SAMD5: variants seen among roughly 807,000 people sequenced by gnomAD.
SAMD5 encodes the protein sterile alpha motif domain containing 5, also known as sterile alpha motif domain-containing protein 5.
A neutral mutation model predicts 11.3 loss-of-function variants in SAMD5; 13 were observed. That is an observed-to-expected ratio of 1.15 (90% CI 0.75 to 1.83). The LOEUF (loss-of-function observed/expected upper bound fraction) is 1.83. Ranked by LOEUF, SAMD5 falls within the 40% of genes most tolerant of loss-of-function variation. The pLI, the probability that SAMD5 is intolerant of heterozygous loss-of-function variation, is 0.00. For missense variants in SAMD5, 255 were observed against 239.1 expected (o/e 1.07, Z -0.44); for synonymous variants, 129 against 111.3 (o/e 1.16, Z -1.00).
intron 1 of SAMD5, among the ~76,000 whole-genome samples, chr6:147,550,377 A>C (rs541063669): frequency 6.6e-6 from 1 of 152,326 alleles, no homozygotes; most frequent in African/African-American, 2.4e-5. Flanking sequence ...TAGAACTACC[A>C]TTTGATCCAG....
intron 1 of SAMD5, among the ~76,000 whole-genome samples, chr6:147,612,942 T>A (rs1334573077): frequency 6.6e-6 from 1 of 152,170 alleles, no homozygotes; most frequent in Non-Finnish European, 1.5e-5. Flanking sequence ...CTCATACCTG[T>A]AATCCCAGCA....
the SAMD5 span, among the ~76,000 whole-genome samples, chr6:147,807,332 T>C: frequency 6.6e-6 from 1 of 152,112 alleles, no homozygotes; most frequent in African/African-American, 2.4e-5. Context: ...CTCGATCTCC[T>C]GACCTCATGA....
At chr6:147,822,431 A>T in the SAMD5 span, among the ~76,000 whole-genome samples, 1 of 152,222 alleles carries the variant, frequency 6.6e-6, no homozygotes, top group African/African-American at 2.4e-5. Flanking sequence ...TTATTAAAAA[A>T]TACCATATGT....
the SAMD5 span, among the ~76,000 whole-genome samples, chr6:147,794,940 G>C: frequency 6.6e-6 from 1 of 151,996 alleles, no homozygotes; most frequent in Non-Finnish European, 1.5e-5. Flanking sequence ...ACCCTACACA[G>C]ACAGGGACCT....
At chr6:147,778,537 C>T in the SAMD5 span, among the ~76,000 whole-genome samples, 1 of 152,164 alleles carries the variant, frequency 6.6e-6, no homozygotes, top group Non-Finnish European at 1.5e-5. Context: ...GGTTCTCAGG[C>T]TCCAAACCTT....
chr6:147,928,595 A>AT, the SAMD5 span, among the ~76,000 whole-genome samples: 2 of 151,528 alleles, frequency 1.3e-5, no homozygotes, highest in Admixed American at 6.6e-5. Context: ...CTATCTTACT[A>AT]TTTTTTTGAA....
In SAMD5 at chr6:147,564,675, G is replaced by A; in HGVS notation, c.*219G>A. On this transcript the variant is annotated 3_prime_UTR_variant, in exon 2 of 2. Transcript: ENST00000367474. Reference sequence around the variant, plus strand: ...AAGGCAGTGAACTATCACGCATAAAGAAGTATTGAGTTCATTTTTTTAAGA... The same window carrying A: ...AAGGCAGTGAACTATCACGCATAAAAAAGTATTGAGTTCATTTTTTTAAGA... 1 of 1,281,020 alleles carries A rather than the reference G, an allele frequency of 7.8e-7. No individual in the cohort carries two copies. Among genetic ancestry groups the A allele is most frequent in the Non-Finnish European group, 9.9e-7 (1 of 1,011,280 alleles). 79.4% of individuals were successfully genotyped at this position (1,281,020 alleles called of 1,614,324 possible).
chr6:147,870,411 A>C, the SAMD5 span, among the ~76,000 whole-genome samples: 1 of 144,852 alleles, frequency 6.9e-6, no homozygotes, highest in Non-Finnish European at 1.5e-5. Flanking sequence ...GAAGCACTCT[A>C]TTTTCCCTAC....
the SAMD5 span, among the ~76,000 whole-genome samples, chr6:147,822,869 C>T: frequency 6.6e-6 from 1 of 152,172 alleles, no homozygotes; most frequent in Non-Finnish European, 1.5e-5. Flanking sequence ...GGCTGGAGTG[C>T]AGTGGCACGA....
the SAMD5 span, among the ~76,000 whole-genome samples, chr6:147,825,989 T>G: frequency 6.6e-6 from 1 of 152,362 alleles, no homozygotes; most frequent in Non-Finnish European, 1.5e-5. Context: ...GTATTTAAGA[T>G]TCTTCAGGCT....
At chr6:147,646,259 G>T (rs561087628) in intron 1 of SAMD5, among the ~76,000 whole-genome samples, 2 of 152,258 alleles carry the variant, frequency 1.3e-5, no homozygotes, top group South Asian at 4.2e-4. Context: ...CAGCGTGGTG[G>T]TATGTGCAGT....
rs1032713827 is a variant in SAMD5, at chr6:147,508,728, T to C, written c.-201T>C. ...TCCGCTGCTGCTTGGGGAATTCACTTTGCTGCTTGTTCGCTTCTCCCTTCC... is the reference window on the plus strand; with the variant it reads ...TCCGCTGCTGCTTGGGGAATTCACTCTGCTGCTTGTTCGCTTCTCCCTTCC... On this transcript the variant is annotated 5_prime_UTR_variant, in exon 1 of 2. Coordinates refer to ENST00000367474, the MANE Select transcript of SAMD5 (RefSeq NM_001030060.3). 1.3e-5 allele frequency among the ~76,000 whole-genome samples: 2 copies of C among 152,158 alleles called. No individual in the cohort carries two copies. Among genetic ancestry groups the C allele is most frequent in the South Asian group, 2.1e-4 (1 of 4,834 alleles).
chr6:147,553,668 AACTCAGTCCTATTTACGTGTTTTCCTGCT>A (rs1788808323), intron 1 of SAMD5, among the ~76,000 whole-genome samples: 2 of 152,198 alleles, frequency 1.3e-5, no homozygotes, highest in African/African-American at 4.8e-5. Flanking sequence ...TGCATAATAC[AACTCAGTCCTATTTACGTGTTTTCCTGCT>A]TTAGGTAACA....
chr6:147,599,512 T>A (rs912150019), intron 1 of SAMD5, among the ~76,000 whole-genome samples: 2 of 152,342 alleles, frequency 1.3e-5, no homozygotes, highest in South Asian at 2.1e-4. Flanking sequence ...AAAATTTTTT[T>A]AAATTCTTTT....
chr6:147,835,248 A>AAAAAAC, the SAMD5 span, among the ~76,000 whole-genome samples: 2 of 148,804 alleles, frequency 1.3e-5, no homozygotes, highest in Non-Finnish European at 3.0e-5. Context: ...AAAAAAAAAC[A>AAAAAAC]AAAAAAACAG....
At position 147,672,035 on chromosome 6, in the gene SAMD5, G is replaced by A. The variant is rs539318884; in HGVS notation, c.163-65282G>A. ...GAATATATAAATAAATTTTAGGAGC[G>A]TTTACGTGTTTACAATATTGAGTTT... On this transcript the variant is annotated intron_variant, in intron 1 of 1. Transcript: ENST00000566741. 8.6e-5 allele frequency among the ~76,000 whole-genome samples: 13 copies of A among 151,572 alleles called. No individual in the cohort carries two copies. The South Asian group carries it at 1.9e-3, about 22-fold the overall frequency.
rs34834946 is a variant in SAMD5, at chr6:147,569,072, CA to C, written c.*4624del. 3.8e-5 allele frequency: 7 copies of C among 183,724 alleles called. No homozygotes were observed. Among genetic ancestry groups the C allele is most frequent in the Non-Finnish European group, 7.2e-5 (7 of 97,446 alleles). 11.4% of individuals were successfully genotyped at this position (183,724 alleles called of 1,614,324 possible). ...TGAAACCCTGTGTCTACTAAAAATA[CA>C]AAAAAAATTAGCTGAGTGTGGTGGT... On this transcript the variant is annotated 3_prime_UTR_variant, in exon 2 of 2. Transcript: ENST00000367474.
chr6:147,849,481 G>C, the SAMD5 span, among the ~76,000 whole-genome samples: 1 of 151,978 alleles, frequency 6.6e-6, no homozygotes, highest in African/African-American at 2.4e-5. Context: ...CATGGGTTTT[G>C]ATTTACTTAA....
intron 1 of SAMD5, among the ~76,000 whole-genome samples, chr6:147,543,018 G>T (rs1011103443): frequency 6.6e-6 from 1 of 151,970 alleles, no homozygotes; most frequent in African/African-American, 2.4e-5. Flanking sequence ...TTGCAAAGAC[G>T]GTTTCAGGAT....
Sources: gnomAD v4.1 joint callset for allele counts (sites outside exome capture counted in the v4.1 genomes callset) on GRCh38, gnomAD v4.1.1 for gene constraint, MANE v1.5 for transcripts, NCBI Gene and HGNC (gene_info 2026-07-23, HGNC 2026-07-21) for gene names.